The following PGBD5 variants were observed in gnomAD, a reference collection of about 807,000 sequenced individuals.
PGBD5 encodes the protein piggyBac transposable element derived 5.
Under a neutral mutation model 47.9 loss-of-function variants are expected in PGBD5, and 14 were observed. The ratio of observed to expected loss-of-function variants is 0.29; its 90% CI spans 0.19 to 0.46. PGBD5 has a LOEUF of 0.46. Ranked by LOEUF, PGBD5 falls within the 20% of genes least tolerant of loss-of-function variation. The pLI is 1.00. For synonymous variants in PGBD5, 316 were observed against 306.3 expected (o/e 1.03, Z -0.33); for missense variants, 635 against 716.0 (o/e 0.89, Z 1.29).
intron 1 of PGBD5, among the ~76,000 whole-genome samples, chr1:230,380,692 A>AG (rs573296285): frequency 5.8e-4 from 88 of 152,360 alleles, no homozygotes; most frequent in Non-Finnish European, 8.4e-4. Flanking sequence ...CACCTGGTGA[A>AG]GAGGGAAGCT....
At chr1:230,401,456 G>C (rs990132598) in intron 1 of PGBD5, among the ~76,000 whole-genome samples, 2 of 152,226 alleles carry the variant, frequency 1.3e-5, no homozygotes, top group African/African-American at 4.8e-5. Context: ...CTTGGGGCCA[G>C]GGAGAAGCGT....
chr1:230,385,771 GCCC>G (rs1477792387), intron 1 of PGBD5, among the ~76,000 whole-genome samples: 1 of 151,834 alleles, frequency 6.6e-6, no homozygotes, highest in Non-Finnish European at 1.5e-5. Flanking sequence ...ACCTGATTTT[GCCC>G]CCATTTCACA....
At chr1:230,398,442 A>G (rs887824803) in intron 1 of PGBD5, among the ~76,000 whole-genome samples, 2 of 152,120 alleles carry the variant, frequency 1.3e-5, no homozygotes, top group African/African-American at 2.4e-5. Context: ...ATTAGGGCCC[A>G]CCCATATGAT....
At chr1:230,406,240 A>G (rs1375904559) in intron 1 of PGBD5, among the ~76,000 whole-genome samples, 1 of 149,350 alleles carries the variant, frequency 6.7e-6, no homozygotes, top group African/African-American at 2.5e-5. Context: ...CCCAGGAGGC[A>G]GAGCTTGCAG....
In PGBD5 at chr1:230,335,858, CACACACAG is replaced by C. The variant is rs1667314771; in HGVS notation, c.1075+1242_1075+1249del. ...ACATACACACACAGACACACAGATA[CACACACAG>C]ATGCATACACGGACACACAGATGCA... On this transcript the variant is annotated intron_variant, in intron 4 of 6. Transcript: ENST00000391860. Among the ~76,000 whole-genome samples, 3 of 124,342 alleles carry C rather than the reference CACACACAG, an allele frequency of 2.4e-5. No individual in the cohort carries two copies. In the South Asian group the frequency reaches 1.0e-3, roughly 42 times the overall value. 81.6% of individuals were successfully genotyped at this position (124,342 alleles called of 152,430 possible). A position where few individuals can be genotyped will look rare whatever the true frequency, so the allele number is the denominator to read the frequency against.
chr1:230,347,765 G>A (rs1008988444), intron 3 of PGBD5, among the ~76,000 whole-genome samples: 5 of 152,074 alleles, frequency 3.3e-5, no homozygotes, highest in Non-Finnish European at 7.4e-5. Flanking sequence ...GATAGTGGCT[G>A]GAAGAAAGTT....
chr1:230,411,947 T>C (rs899545525), intron 1 of PGBD5, among the ~76,000 whole-genome samples: 10 of 152,168 alleles, frequency 6.6e-5, no homozygotes, highest in Non-Finnish European at 1.2e-4. Flanking sequence ...TGAGAAGAGC[T>C]TGACAAAAGG....
At chr1:230,362,141 C>T in intron 1 of PGBD5, 1 of 1,184,116 alleles carries the variant, frequency 8.4e-7, no homozygotes, top group Non-Finnish European at 1.1e-6. Flanking sequence ...GCTGTGAGCA[C>T]CACGTGACCA....
intron 1 of PGBD5, among the ~76,000 whole-genome samples, chr1:230,365,515 A>ACACG (rs1053085269): frequency 8.5e-5 from 13 of 152,198 alleles, no homozygotes; most frequent in African/African-American, 3.1e-4. Context: ...GCCACTCTCA[A>ACACG]CACGACACGT....
chr1:230,358,941 G>C (rs1011479727), intron 1 of PGBD5, among the ~76,000 whole-genome samples: 7 of 152,100 alleles, frequency 4.6e-5, no homozygotes, highest in African/African-American at 1.7e-4. Context: ...CTCTGTGTGT[G>C]TACACACATA....
intron 1 of PGBD5, among the ~76,000 whole-genome samples, chr1:230,405,575 A>C (rs981940348): frequency 2.6e-5 from 4 of 152,258 alleles, no homozygotes; most frequent in African/African-American, 9.6e-5. Flanking sequence ...GTTAAGTTTT[A>C]TACACAGATT....
intron 1 of PGBD5, among the ~76,000 whole-genome samples, chr1:230,418,323 T>G (rs1238348986): frequency 6.6e-6 from 1 of 152,134 alleles, no homozygotes. Context: ...GTAGTACAGT[T>G]GTACAGTGGC....
At chr1:230,412,616 C>G (rs1467546819) in intron 1 of PGBD5, among the ~76,000 whole-genome samples, 2 of 152,168 alleles carry the variant, frequency 1.3e-5, no homozygotes, top group East Asian at 3.9e-4. Flanking sequence ...TCTCAATCTC[C>G]TGACCTCATG....
chr1:230,413,518 G>A (rs543909670), intron 1 of PGBD5, among the ~76,000 whole-genome samples: 64 of 152,160 alleles, frequency 4.2e-4, no homozygotes, highest in Admixed American at 3.3e-3. Flanking sequence ...GGGCGGGGAG[G>A]GGAAGAGAGG....
intron 6 of PGBD5, 37 bp downstream of exon 6, chr1:230,325,273 G>T: frequency 6.9e-7 from 1 of 1,449,114 alleles, no homozygotes; most frequent in South Asian, 1.2e-5. Flanking sequence ...GCACAACTAT[G>T]AGAGCCCTTC....
At chr1:230,360,118 G>A (rs2102708349) in intron 1 of PGBD5, among the ~76,000 whole-genome samples, 1 of 152,332 alleles carries the variant, frequency 6.6e-6, no homozygotes, top group East Asian at 1.9e-4. Context: ...GCTACATCAT[G>A]CTGACGAAGC....
At chr1:230,349,682 A>G (rs1225308331) in intron 3 of PGBD5, among the ~76,000 whole-genome samples, 1 of 152,162 alleles carries the variant, frequency 6.6e-6, no homozygotes, top group Non-Finnish European at 1.5e-5. Flanking sequence ...GTCCCTTGGG[A>G]AAGTTTACAT....
chr1:230,389,323 C>T (rs891231114), intron 1 of PGBD5, among the ~76,000 whole-genome samples: 1 of 152,130 alleles, frequency 6.6e-6, no homozygotes, highest in Non-Finnish European at 1.5e-5. Flanking sequence ...CAGGCGCGTG[C>T]CACCATGCCC....
intron 3 of PGBD5, 102 bp downstream of exon 3, chr1:230,350,856 G>C: frequency 6.7e-7 from 1 of 1,489,382 alleles, no homozygotes; most frequent in South Asian, 1.3e-5. Flanking sequence ...CAGTGAAAAG[G>C]GTATGTGAAC....
Sources: gnomAD v4.1 joint callset for allele counts (sites outside exome capture counted in the v4.1 genomes callset) on GRCh38, gnomAD v4.1.1 for gene constraint, MANE v1.5 for transcripts, NCBI Gene and HGNC (gene_info 2026-07-23, HGNC 2026-07-21) for gene names.